The following SLC12A8 variants were observed in gnomAD, a reference collection of about 807,000 sequenced individuals.
SLC12A8 encodes the protein cation-chloride cotransporter 9.
SLC12A8 carries 69 observed loss-of-function variants against 75.6 expected under a neutral mutation model. That is an observed-to-expected ratio of 0.91 (90% confidence interval 0.75 to 1.11). The LOEUF is 1.11. Ranked by LOEUF, SLC12A8 falls within the 50% of genes most tolerant of loss-of-function variation. The pLI, the probability that SLC12A8 is intolerant of heterozygous loss-of-function variation, is 0.00. For synonymous variants in SLC12A8, 365 were observed against 372.8 expected (o/e 0.98, Z 0.24); for missense variants, 877 against 896.7 (o/e 0.98, Z 0.28).
At chr3:125,183,605 C>T (rs955899679) in intron 4 of SLC12A8, among the ~76,000 whole-genome samples, 2 of 152,142 alleles carry the variant, frequency 1.3e-5, no homozygotes, top group African/African-American at 2.4e-5. Context: ...TATGCGTTAA[C>T]ACCCATAACA....
intron 5 of SLC12A8, among the ~76,000 whole-genome samples, chr3:125,143,842 A>G (rs683120): frequency 0.93 from 141,699 of 152,170 alleles, 66,109 homozygotes; most frequent in Middle Eastern, 0.97. Context: ...AAAGTGTCCC[A>G]TAACAAGAGC....
intron 2 of SLC12A8, among the ~76,000 whole-genome samples, chr3:125,195,598 T>G (rs1254429340): frequency 2.6e-5 from 4 of 151,864 alleles, no homozygotes; most frequent in Non-Finnish European, 4.4e-5. Context: ...ATCTGTTGTT[T>G]TTTTTTTTTC....
At position 125,187,292 on chromosome 3, in the gene SLC12A8, G is replaced by A. The variant is rs200999644; in HGVS notation, c.335C>T (p.Ser112Leu). ...GCCTCCCGTCTGCCCACCCAGGACC[G>A]AGGAGATCATGGAGTAGACGCCACC... ...GSGGVYSMIS[S>L]VLGGQTGGTI... Residue 112 changes from serine (S) to leucine (L), a missense_variant, in exon 4 of 14, where the codon TCG (serine) becomes TTG (leucine). Transcript: ENST00000469902. 1.7e-4 allele frequency: 270 copies of A among 1,614,190 alleles called. No homozygotes were observed. The highest frequency in any genetic ancestry group is 2.0e-4 in the Non-Finnish European group (238 of 1,180,036).
At chr3:125,112,990 C>T (rs1047570845) in intron 8 of SLC12A8, among the ~76,000 whole-genome samples, 1 of 152,212 alleles carries the variant, frequency 6.6e-6, no homozygotes, top group East Asian at 1.9e-4. Flanking sequence ...CATGGCATCT[C>T]CTTGCAGAAA....
chr3:125,130,596 AAAAG>A (rs377106380), intron 6 of SLC12A8, among the ~76,000 whole-genome samples: 6 of 5,092 alleles, frequency 1.2e-3, no homozygotes, highest in South Asian at 0.023. Flanking sequence ...TGTCTTAAAA[AAAAG>A]AAAAAGAAAA....
intron 2 of SLC12A8, among the ~76,000 whole-genome samples, chr3:125,202,980 T>C (rs13315685): frequency 0.65 from 97,050 of 150,328 alleles, 31,494 homozygotes; most frequent in Non-Finnish European, 0.69. Context: ...CCCAGCTACT[T>C]GGGAGGCTGA....
intron 6 of SLC12A8, among the ~76,000 whole-genome samples, chr3:125,135,361 G>A (rs763235414): frequency 7.9e-5 from 12 of 152,140 alleles, no homozygotes; most frequent in Non-Finnish European, 1.8e-4. Flanking sequence ...TGAACAAAAG[G>A]TGTCAATGTA....
intron 2 of SLC12A8, among the ~76,000 whole-genome samples, chr3:125,209,350 A>C (rs1384998163): frequency 6.6e-6 from 1 of 152,196 alleles, no homozygotes; most frequent in East Asian, 1.9e-4. Context: ...CAACTTCAGA[A>C]TGTTGTAGTG....
intron 2 of SLC12A8, among the ~76,000 whole-genome samples, chr3:125,201,842 C>T (rs564918538): frequency 6.6e-6 from 1 of 152,012 alleles, no homozygotes; most frequent in South Asian, 2.1e-4. Context: ...TTAAATTATA[C>T]TTGATAATTA....
intron 5 of SLC12A8, among the ~76,000 whole-genome samples, chr3:125,165,839 G>C (rs1192255912): frequency 1.3e-5 from 2 of 152,208 alleles, no homozygotes; most frequent in Admixed American, 6.5e-5. Flanking sequence ...GAGGCCCAGA[G>C]AGCAGCCAGA....
At chr3:125,116,897 C>CA (rs1263431217) in intron 8 of SLC12A8, among the ~76,000 whole-genome samples, 1 of 152,190 alleles carries the variant, frequency 6.6e-6, no homozygotes, top group Non-Finnish European at 1.5e-5. Flanking sequence ...TTTCATTCCA[C>CA]AACTAGAGAA....
At chr3:125,098,670 T>G (rs1938782962) in intron 10 of SLC12A8, among the ~76,000 whole-genome samples, 1 of 150,716 alleles carries the variant, frequency 6.6e-6, no homozygotes, top group East Asian at 1.9e-4. Flanking sequence ...GAAAACAAAT[T>G]GAGAAGTATT....
chr3:125,157,308 T>C (rs530620568), intron 5 of SLC12A8, among the ~76,000 whole-genome samples: 6 of 152,308 alleles, frequency 3.9e-5, no homozygotes, highest in African/African-American at 7.2e-5. Context: ...TAATTATAAA[T>C]ACAGATGCTC....
chr3:125,107,484 C>T lies in SLC12A8; in HGVS notation c.1702G>A (p.Glu568Lys). 6.2e-7 allele frequency: 1 copy of T among 1,603,160 alleles called. No individual in the cohort carries two copies. Among genetic ancestry groups the T allele is most frequent in the African/African-American group, 1.3e-5 (1 of 74,868 alleles). ...ELCNQSESSG[E>K]DFFLKSRLQE... ...AGTGTGATACCAGAGCACTCACCTT[C>T]TCCACTGGACTCTGATTGGTTGCAC... is the stretch of plus-strand genomic sequence containing the variant. Residue 568 changes from glutamate to lysine, a missense_variant, in exon 10 of 14, where the codon GAA (glutamate) becomes AAA (lysine). Physicochemically the swap from Glu to Lys is moderately conservative, Grantham distance 56. Transcript: ENST00000469902.
intron 5 of SLC12A8, among the ~76,000 whole-genome samples, chr3:125,164,753 G>C (rs1934249383): frequency 6.6e-6 from 1 of 152,232 alleles, no homozygotes; most frequent in Admixed American, 6.5e-5. Context: ...ATGAGTAGAG[G>C]CTGAAAGGCA....
At chr3:125,089,152 A>T (rs566229171) in intron 12 of SLC12A8, among the ~76,000 whole-genome samples, 1 of 152,346 alleles carries the variant, frequency 6.6e-6, no homozygotes, top group East Asian at 1.9e-4. Flanking sequence ...GCATTATTTT[A>T]AGAGGCTTAT....
At chr3:125,103,194 C>T (rs1413179944) in intron 10 of SLC12A8, among the ~76,000 whole-genome samples, 1 of 152,086 alleles carries the variant, frequency 6.6e-6, no homozygotes, top group Non-Finnish European at 1.5e-5. Context: ...ATACCCTAAA[C>T]AGTGGGACCC....
chr3:125,094,471 C>T (rs376286507), intron 10 of SLC12A8, among the ~76,000 whole-genome samples: 114 of 152,270 alleles, frequency 7.5e-4, no homozygotes, highest in African/African-American at 2.7e-3. Flanking sequence ...CATCTATACC[C>T]TCTATTCTGC....
At chr3:125,210,674 G>T (rs941710319) in intron 2 of SLC12A8, among the ~76,000 whole-genome samples, 6 of 152,134 alleles carry the variant, frequency 3.9e-5, no homozygotes, top group Admixed American at 3.9e-4. Context: ...CCCAAGGGAT[G>T]GTGAAAACTT....
Sources: allele counts gnomAD v4.1 joint callset (sites outside exome capture counted in the v4.1 genomes callset), GRCh38; gene constraint gnomAD v4.1.1; transcripts MANE v1.5; gene names NCBI Gene and HGNC (gene_info 2026-07-23, HGNC 2026-07-21).